The following YAP1 variants were observed in gnomAD, a reference collection of about 807,000 sequenced individuals.
YAP1 encodes transcriptional coactivator YAP1.
In YAP1, 5 loss-of-function variants were observed where a neutral mutation model predicts 56.9. That is an observed-to-expected ratio of 0.09 (90% confidence interval 0.05 to 0.18). The LOEUF is 0.18. Among genes scored for constraint, YAP1 ranks in the 10% least tolerant of loss-of-function variants. YAP1 has a pLI of 1.00. For synonymous variants in YAP1, 265 were observed against 248.1 expected, an observed-to-expected ratio of 1.07 and a Z score of -0.64; for missense variants, 539 against 651.8, an observed-to-expected ratio of 0.83 and a Z score of 1.88.
chr11:102,192,437 C>T (rs1948343064), intron 4 of YAP1, among the ~76,000 whole-genome samples: 1 of 152,208 alleles, frequency 6.6e-6, no homozygotes, highest in African/African-American at 2.4e-5. Flanking sequence ...AATCTTTCTT[C>T]AATCTGCAGT....
chr11:102,187,456 C>G, intron 4 of YAP1, among the ~76,000 whole-genome samples: 1 of 152,196 alleles, frequency 6.6e-6, no homozygotes, highest in East Asian at 1.9e-4. Context: ...AACAGGAAAC[C>G]AAGTAAGATA....
At position 102,218,789 on chromosome 11, in the gene YAP1, T is replaced by G. The variant is rs185335152; in HGVS notation, c.1033-4833T>G. Among the ~76,000 whole-genome samples, 224 of 152,350 alleles carry G rather than the reference T, an allele frequency of 1.5e-3. 1 individual carries two copies. The highest frequency in any genetic ancestry group is 2.2e-3 in the Non-Finnish European group (148 of 68,028). On this transcript the variant is annotated intron_variant, in intron 6 of 8. Transcript: ENST00000282441. ...CTTACTGACATCTCTAAGTTATCTTTCTTTATAAATCTGCATAGTTGGTTC... is the reference window on the plus strand; with the variant it reads ...CTTACTGACATCTCTAAGTTATCTTGCTTTATAAATCTGCATAGTTGGTTC...
At chr11:102,186,221 G>C (rs556830837) in intron 4 of YAP1, 90 bp downstream of exon 4, 3 of 1,407,758 alleles carry the variant, frequency 2.1e-6, no homozygotes, top group African/African-American at 1.5e-5. Context: ...AAATAAAATC[G>C]CATTGCTTTA....
chr11:102,228,634 CAAAAAAAAAAA>C (rs71059544), intron 8 of YAP1, among the ~76,000 whole-genome samples: 675 of 31,662 alleles, frequency 0.021, 13 homozygotes, highest in African/African-American at 0.049. Context: ...GACTCCGTCT[CAAAAAAAAAAA>C]AAAAAAAAAA....
intron 6 of YAP1, among the ~76,000 whole-genome samples, chr11:102,214,747 T>C (rs1229583086): frequency 6.6e-6 from 1 of 152,166 alleles, no homozygotes; most frequent in Non-Finnish European, 1.5e-5. Context: ...TTTTAACTGG[T>C]TATTTCATTT....
At chr11:102,190,104 A>G (rs1405418373) in intron 4 of YAP1, among the ~76,000 whole-genome samples, 3 of 152,320 alleles carry the variant, frequency 2.0e-5, no homozygotes, top group South Asian at 4.1e-4. Flanking sequence ...GTCAGCATCT[A>G]ATTATTTAAA....
rs1437017788 is a variant in YAP1, at chr11:102,110,818, CA to C, written c.-30del. On this transcript the variant is annotated 5_prime_UTR_variant, in exon 1 of 9. Coordinates refer to ENST00000282441, the MANE Select transcript of YAP1 (RefSeq NM_001130145.3). Reference sequence around the variant, plus strand: ...GGGCGTAGCCCTCGCTCGCCTGGGTCAGGGGGTGCGCGTCGGGGGAGGCAGA... The same window carrying C: ...GGGCGTAGCCCTCGCTCGCCTGGGTCGGGGGTGCGCGTCGGGGGAGGCAGA... The C allele has an allele frequency of 1.5e-6, 2 of 1,367,530 alleles. No homozygotes were observed. Among genetic ancestry groups the C allele is most frequent in the East Asian group, 3.3e-5 (1 of 30,316 alleles). 84.7% of individuals were successfully genotyped at this position (1,367,530 alleles called of 1,614,324 possible).
intron 3 of YAP1, among the ~76,000 whole-genome samples, chr11:102,179,760 G>A (rs1476355707): frequency 1.3e-5 from 2 of 151,686 alleles, no homozygotes; most frequent in African/African-American, 2.4e-5. Flanking sequence ...TCTTCTATCT[G>A]GAACATAAAT....
intron 4 of YAP1, among the ~76,000 whole-genome samples, chr11:102,196,414 TAAA>T (rs1162644126): frequency 6.6e-6 from 1 of 152,158 alleles, no homozygotes; most frequent in Non-Finnish European, 1.5e-5. Context: ...TGATACATAT[TAAA>T]ACATGAATAA....
In YAP1 at chr11:102,229,937, A is replaced by G. The variant is rs779614719; in HGVS notation, c.1512A>G (p.Leu504=). The change falls in exon 9 of 9, where the codon TTA becomes TTG. Residue 504 remains leucine, a synonymous_variant. Coordinates refer to ENST00000282441, the MANE Select transcript of YAP1 (RefSeq NM_001130145.3). ...KLDKESFLTW[L] is the part of the protein sequence containing the mutation. ...ATAAAGAAAGCTTTCTTACATGGTT[A>G]TAGAGCCCTCAGGCAGACTGAATTC... 3 of 1,613,294 alleles carry G rather than the reference A, an allele frequency of 1.9e-6. No homozygotes were observed. The South Asian group carries it at 3.3e-5, about 18-fold the overall frequency.
intron 2 of YAP1, among the ~76,000 whole-genome samples, chr11:102,144,933 C>T (rs548668717): frequency 2.0e-5 from 3 of 152,170 alleles, no homozygotes; most frequent in Admixed American, 6.6e-5. Flanking sequence ...CTGTCTCTCT[C>T]TCTCCTTCTC....
At chr11:102,145,129 G>A (rs1190172517) in intron 2 of YAP1, among the ~76,000 whole-genome samples, 2 of 152,028 alleles carry the variant, frequency 1.3e-5, no homozygotes, top group African/African-American at 4.8e-5. Context: ...GTTGTAAACC[G>A]GAGTTCATAT....
chr11:102,224,665 C>T (rs1950106371), intron 7 of YAP1, among the ~76,000 whole-genome samples: 1 of 141,424 alleles, frequency 7.1e-6, no homozygotes, highest in Non-Finnish European at 1.6e-5. Context: ...TAGAATTCAC[C>T]ATTTACTCAG....
chr11:102,146,227 T>C (rs1945314804), intron 2 of YAP1, among the ~76,000 whole-genome samples: 1 of 152,184 alleles, frequency 6.6e-6, no homozygotes, highest in Non-Finnish European at 1.5e-5. Flanking sequence ...CTCACTATGT[T>C]GGCTAGGTTA....
intron 2 of YAP1, among the ~76,000 whole-genome samples, chr11:102,116,319 T>C (rs578236561): frequency 6.6e-6 from 1 of 152,330 alleles, no homozygotes; most frequent in South Asian, 2.1e-4. Context: ...AGAATATGTA[T>C]AGGTTATATG....
chr11:102,203,151 T>C (rs1476763336), intron 4 of YAP1, among the ~76,000 whole-genome samples: 1 of 152,208 alleles, frequency 6.6e-6, no homozygotes, highest in Non-Finnish European at 1.5e-5. Flanking sequence ...GCTGGCTTCA[T>C]CCCGTAGTTT....
At chr11:102,223,818 T>C in intron 7 of YAP1, 66 bp downstream of exon 7, 1 of 1,592,058 alleles carries the variant, frequency 6.3e-7, no homozygotes, top group Admixed American at 1.7e-5. Context: ...TTCTGCTTAG[T>C]GCTTGTAATA....
chr11:102,224,493 A>G (rs1950096055), intron 7 of YAP1, among the ~76,000 whole-genome samples: 1 of 152,168 alleles, frequency 6.6e-6, no homozygotes, highest in Non-Finnish European at 1.5e-5. Flanking sequence ...TACGCTTTGG[A>G]TTCCTTTTCT....
At chr11:102,183,220 G>A (rs1327581032) in intron 3 of YAP1, among the ~76,000 whole-genome samples, 1 of 152,196 alleles carries the variant, frequency 6.6e-6, no homozygotes, top group Non-Finnish European at 1.5e-5. Context: ...AGTTTAGGAG[G>A]TAGGGGATGC....
Sources: gnomAD v4.1 joint callset for allele counts (sites outside exome capture counted in the v4.1 genomes callset) on GRCh38, gnomAD v4.1.1 for gene constraint, MANE v1.5 for transcripts, NCBI Gene and HGNC (gene_info 2026-07-23, HGNC 2026-07-21) for gene names.